NEDD4L: variants seen among roughly 807,000 people sequenced by gnomAD.
The protein encoded by NEDD4L is NEDD4 like E3 ubiquitin protein ligase, also known as E3 ubiquitin-protein ligase NEDD4-like.
Under a neutral mutation model 148.9 loss-of-function variants are expected in NEDD4L, and 54 were observed. The observed-to-expected ratio is 0.36, with a 90% CI of 0.29 to 0.45. The LOEUF (loss-of-function observed/expected upper bound fraction) is 0.45. Among genes scored for constraint, NEDD4L ranks in the 20% least tolerant of loss-of-function variants. The pLI is 1.00. For synonymous variants in NEDD4L, 433 were observed against 440.7 expected, an observed-to-expected ratio of 0.98 and a Z score of 0.22; for missense variants, 856 against 1,233.8, an observed-to-expected ratio of 0.69 and a Z score of 4.59.
At chr18:58,290,971 C>G (rs1439104622) in intron 5 of NEDD4L, among the ~76,000 whole-genome samples, 5 of 152,220 alleles carry the variant, frequency 3.3e-5, no homozygotes, top group Admixed American at 2.0e-4. Context: ...GGTTGGCAGG[C>G]ATTCGGATCC....
chr18:58,108,238 A>G (rs2085195321), intron 1 of NEDD4L, among the ~76,000 whole-genome samples: 1 of 152,194 alleles, frequency 6.6e-6, no homozygotes, highest in Non-Finnish European at 1.5e-5. Flanking sequence ...TGCCTCATGT[A>G]CTAGGCACGA....
chr18:58,132,735 CT>C (rs1734665567), intron 1 of NEDD4L, among the ~76,000 whole-genome samples: 1 of 152,222 alleles, frequency 6.6e-6, no homozygotes, highest in South Asian at 2.1e-4. Flanking sequence ...GGACTTTGAA[CT>C]GAGCATTCCG....
intron 8 of NEDD4L, 78 bp downstream of exon 8, chr18:58,323,412 G>A: frequency 1.2e-6 from 1 of 807,162 alleles, no homozygotes; most frequent in Non-Finnish European, 2.0e-6. Flanking sequence ...ATAATTGAAG[G>A]AAATAAAAGT....
chr18:58,072,872 G>GCGCACGCGCGCACACACA (rs1555682058), intron 1 of NEDD4L, among the ~76,000 whole-genome samples: 1 of 131,558 alleles, frequency 7.6e-6, no homozygotes, highest in Non-Finnish European at 1.6e-5. Context: ...GCGCGCGCGC[G>GCGCACGCGCGCACACACA]CACACACACA....
chr18:58,118,724 G>A (rs542940032), intron 1 of NEDD4L, among the ~76,000 whole-genome samples: 1 of 152,288 alleles, frequency 6.6e-6, no homozygotes, highest in African/African-American at 2.4e-5. Context: ...TCACTAGAGC[G>A]AAGAGAAGCC....
intron 1 of NEDD4L, among the ~76,000 whole-genome samples, chr18:58,162,696 A>G (rs2036369458): frequency 1.3e-5 from 2 of 151,444 alleles, no homozygotes; most frequent in South Asian, 4.2e-4. Flanking sequence ...CTGGCACGTG[A>G]TGGGTACTCA....
At chr18:58,180,749 T>G (rs905288660) in intron 2 of NEDD4L, among the ~76,000 whole-genome samples, 2 of 152,248 alleles carry the variant, frequency 1.3e-5, no homozygotes, top group African/African-American at 4.8e-5. Flanking sequence ...CCCATCACAT[T>G]GCTTTTCTGT....
At chr18:58,089,562 G>A (rs1036250937) in intron 1 of NEDD4L, among the ~76,000 whole-genome samples, 1 of 152,106 alleles carries the variant, frequency 6.6e-6, no homozygotes, top group African/African-American at 2.4e-5. Context: ...GGTGGTGAGT[G>A]GTTTAAAATA....
intron 1 of NEDD4L, among the ~76,000 whole-genome samples, chr18:58,161,022 T>TTC (rs1175920879): frequency 2.0e-5 from 3 of 151,252 alleles, no homozygotes; most frequent in African/African-American, 7.3e-5. Flanking sequence ...CTTTCTTTCT[T>TTC]TTTTTTTTCT....
intron 5 of NEDD4L, among the ~76,000 whole-genome samples, chr18:58,293,207 C>T (rs760818469): frequency 1.1e-4 from 17 of 152,236 alleles, no homozygotes; most frequent in Middle Eastern, 6.8e-3. Context: ...CTGCTACAGC[C>T]CATACATGGA....
At chr18:58,206,134 A>G (rs1439592397) in intron 2 of NEDD4L, among the ~76,000 whole-genome samples, 2 of 152,152 alleles carry the variant, frequency 1.3e-5, no homozygotes, top group Non-Finnish European at 2.9e-5. Context: ...CATCCCTGTA[A>G]TCCCAGCACT....
intron 9 of NEDD4L, among the ~76,000 whole-genome samples, chr18:58,327,893 A>G (rs538228152): frequency 1.2e-4 from 19 of 152,180 alleles, no homozygotes; most frequent in African/African-American, 3.9e-4. Flanking sequence ...GCCTCTGACT[A>G]GTATTTCCCC....
chr18:58,366,358 C>T lies in NEDD4L; in HGVS notation c.2063+130C>T. 1.6e-6 allele frequency: 1 copy of T among 607,260 alleles called. No homozygotes were observed. Among genetic ancestry groups the T allele is most frequent in the Non-Finnish European group, 2.8e-6 (1 of 359,446 alleles). The allele number at this position is 607,260 out of a possible 1,614,324, so 37.6% of individuals were successfully genotyped here. ...CTGCTGAGTTTGTTCTCTCCTCACC[C>T]CACAGCCCCTTGCAAGTCTAGAACA... On this transcript the variant is annotated intron_variant, in intron 21 of 30. Transcript: ENST00000400345. This position sits in a 1 kb window ranked among gnomAD's most constrained non-coding sequence, Gnocchi z 4.2.
intron 23 of NEDD4L, chr18:58,371,596 G>A (rs1201413077): frequency 6.6e-6 from 1 of 152,600 alleles, no homozygotes; most frequent in African/African-American, 2.4e-5. Context: ...GATACCAACT[G>A]TATTTTGGGC....
intron 1 of NEDD4L, among the ~76,000 whole-genome samples, chr18:58,054,408 G>A (rs1472279120): frequency 6.6e-6 from 1 of 152,132 alleles, no homozygotes; most frequent in Non-Finnish European, 1.5e-5. Context: ...TTTGTTTTGG[G>A]TAGAGGAAGG....
chr18:58,067,121 A>G (rs184929838), intron 1 of NEDD4L, among the ~76,000 whole-genome samples: 2 of 152,372 alleles, frequency 1.3e-5, no homozygotes, highest in Admixed American at 1.3e-4. Flanking sequence ...TTGCCGAGAA[A>G]GATCAACAGC....
At chr18:58,347,550 C>A (rs987403808) in intron 16 of NEDD4L, among the ~76,000 whole-genome samples, 4 of 152,264 alleles carry the variant, frequency 2.6e-5, no homozygotes, top group Admixed American at 6.5e-5. Context: ...CTTCTTGGAC[C>A]TTCTCAATCC....
intron 5 of NEDD4L, among the ~76,000 whole-genome samples, chr18:58,279,988 T>A (rs1260821002): frequency 6.6e-6 from 1 of 152,152 alleles, no homozygotes; most frequent in East Asian, 1.9e-4. Flanking sequence ...ACCCCTTCCA[T>A]CCCTGAAGCA....
At chr18:58,393,439 A>C (rs1403323714) in intron 30 of NEDD4L, among the ~76,000 whole-genome samples, 5 of 152,198 alleles carry the variant, frequency 3.3e-5, no homozygotes, top group African/African-American at 1.2e-4. Context: ...CTTCCCTAGG[A>C]AGGGCAAAGA....
Sources: gnomAD v4.1 joint callset for allele counts (sites outside exome capture counted in the v4.1 genomes callset) on GRCh38, gnomAD v4.1.1 for gene constraint, Gnocchi (gnomAD v3.1) non-coding constraint, MANE v1.5 for transcripts, NCBI Gene and HGNC (gene_info 2026-07-23, HGNC 2026-07-21) for gene names.